The following GPC6 variants were observed in gnomAD, a reference collection of about 807,000 sequenced individuals.
GPC6 encodes the protein glypican 6.
GPC6 carries 14 observed loss-of-function variants against 55.2 expected under a neutral mutation model. The observed-to-expected ratio is 0.25, with a 90% CI of 0.17 to 0.40. GPC6 has a LOEUF of 0.40. GPC6 is among the 10% of genes least tolerant of loss of function. The pLI is 1.00. For synonymous variants in GPC6, 278 were observed against 259.6 expected (o/e 1.07, Z -0.68); for missense variants, 641 against 708.5 (o/e 0.90, Z 1.08).
chr13:93,948,921 T>C (rs1879128546), intron 3 of GPC6, among the ~76,000 whole-genome samples: 1 of 152,210 alleles, frequency 6.6e-6, no homozygotes, highest in Admixed American at 6.5e-5. Context: ...TCCCCCTTCA[T>C]TGCAATGTTT....
At chr13:94,342,956 A>G (rs1451371440) in intron 6 of GPC6, among the ~76,000 whole-genome samples, 1 of 152,236 alleles carries the variant, frequency 6.6e-6, no homozygotes, top group African/African-American at 2.4e-5. Context: ...TGGATGGCCA[A>G]TGTCACCCTG....
chr13:93,718,404 C>T lies in GPC6; in HGVS notation c.320-111750C>T, dbSNP rs182211747. Among the ~76,000 whole-genome samples, 11 of 152,114 alleles carry T rather than the reference C, an allele frequency of 7.2e-5. No individual in the cohort carries two copies. In the East Asian group the frequency reaches 2.1e-3, roughly 29 times the overall value. Reference sequence around the variant, plus strand: ...TGTTTGTTGGGTGCCTAAATGTCTTCTTTTGAAAAGTGTCTGTTCATATCC... The same window carrying T: ...TGTTTGTTGGGTGCCTAAATGTCTTTTTTTGAAAAGTGTCTGTTCATATCC... On this transcript the variant is annotated intron_variant, in intron 2 of 8. Coordinates refer to ENST00000377047, the MANE Select transcript of GPC6 (RefSeq NM_005708.5).
At chr13:94,401,176 T>C (rs1212969745) in intron 8 of GPC6, among the ~76,000 whole-genome samples, 1 of 152,168 alleles carries the variant, frequency 6.6e-6, no homozygotes, top group Non-Finnish European at 1.5e-5. Context: ...TCAGCAAGTA[T>C]TTGTTGAGCA....
intron 2 of GPC6, among the ~76,000 whole-genome samples, chr13:93,804,971 A>C (rs575021951): frequency 6.6e-6 from 1 of 152,318 alleles, no homozygotes; most frequent in Admixed American, 6.5e-5. Context: ...CATTTTGAAA[A>C]ATTAAATGAG....
intron 4 of GPC6, among the ~76,000 whole-genome samples, chr13:94,248,620 A>G (rs1392987305): frequency 6.6e-6 from 1 of 152,038 alleles, no homozygotes; most frequent in African/African-American, 2.4e-5. Context: ...AGGACCCTCT[A>G]GTCACCAAAA....
chr13:93,496,177 G>C (rs560227470), intron 1 of GPC6, among the ~76,000 whole-genome samples: 54 of 152,178 alleles, frequency 3.5e-4, no homozygotes, highest in Non-Finnish European at 4.7e-4. Context: ...ATCAGCGAGA[G>C]TCCGTGGGCG....
chr13:93,510,292 C>A (rs371008096), intron 1 of GPC6, among the ~76,000 whole-genome samples: 1 of 152,042 alleles, frequency 6.6e-6, no homozygotes, highest in Non-Finnish European at 1.5e-5. Flanking sequence ...TATCCTTCGA[C>A]CCACTTCTCT....
chr13:94,020,169 G>T (rs537160488), intron 3 of GPC6, among the ~76,000 whole-genome samples: 2 of 151,828 alleles, frequency 1.3e-5, no homozygotes, highest in Admixed American at 1.3e-4. Context: ...TATAAGTTTT[G>T]GCATGTTGTG....
intron 1 of GPC6, chr13:93,450,582 G>A (rs893505579): frequency 5.7e-6 from 1 of 175,756 alleles, no homozygotes; most frequent in African/African-American, 2.4e-5. Flanking sequence ...GGTCAAAGGT[G>A]TTTCTTTCTG....
At chr13:93,426,645 C>T (rs1414774595) in intron 1 of GPC6, among the ~76,000 whole-genome samples, 4 of 151,974 alleles carry the variant, frequency 2.6e-5, no homozygotes, top group African/African-American at 9.7e-5. Context: ...CATTGTTGGA[C>T]ATTTGGGTTG....
chr13:93,793,087 G>T (rs1343532710), intron 2 of GPC6, among the ~76,000 whole-genome samples: 1 of 152,164 alleles, frequency 6.6e-6, no homozygotes, highest in Non-Finnish European at 1.5e-5. Flanking sequence ...AGGCATTCTA[G>T]TCTATGATAG....
chr13:94,397,092 G>A (rs1880926502), intron 7 of GPC6, among the ~76,000 whole-genome samples: 1 of 152,104 alleles, frequency 6.6e-6, no homozygotes, highest in Non-Finnish European at 1.5e-5. Context: ...TAAAGAGAAG[G>A]GTGATATGAT....
intron 1 of GPC6, among the ~76,000 whole-genome samples, chr13:93,240,004 T>C (rs1382815082): frequency 6.6e-6 from 1 of 152,150 alleles, no homozygotes; most frequent in African/African-American, 2.4e-5. Flanking sequence ...ATGCCTGATA[T>C]GATTTTTCTT....
intron 2 of GPC6, among the ~76,000 whole-genome samples, chr13:93,654,543 G>T (rs868003967): frequency 6.6e-6 from 1 of 152,064 alleles, no homozygotes; most frequent in African/African-American, 2.4e-5. Flanking sequence ...GGCCAGGCTG[G>T]TCTTGAACTC....
chr13:93,700,128 CAG>C (rs1274260232), intron 2 of GPC6, among the ~76,000 whole-genome samples: 3 of 152,046 alleles, frequency 2.0e-5, no homozygotes, highest in Admixed American at 6.6e-5. Context: ...ATGTGGCGCA[CAG>C]TTATGAAAAC....
intron 2 of GPC6, among the ~76,000 whole-genome samples, chr13:93,593,110 T>A (rs901763590): frequency 6.6e-6 from 1 of 152,150 alleles, no homozygotes; most frequent in African/African-American, 2.4e-5. Flanking sequence ...AAATTTTCTT[T>A]GAGAACATTT....
chr13:93,413,530 T>G (rs539404573), intron 1 of GPC6, among the ~76,000 whole-genome samples: 5 of 151,554 alleles, frequency 3.3e-5, no homozygotes, highest in East Asian at 2.0e-4. Flanking sequence ...CTGTCAATTC[T>G]TTTTTAAAAT....
intron 2 of GPC6, among the ~76,000 whole-genome samples, chr13:93,812,456 C>T (rs897245890): frequency 9.2e-5 from 14 of 151,634 alleles, no homozygotes; most frequent in African/African-American, 2.9e-4. Flanking sequence ...GGTTGATCAA[C>T]TCAAAATTGA....
chr13:93,766,919 G>GA (rs1885144578), intron 2 of GPC6, among the ~76,000 whole-genome samples: 1 of 151,954 alleles, frequency 6.6e-6, no homozygotes, highest in African/African-American at 2.4e-5. Flanking sequence ...ACTCATTTTA[G>GA]CTGAGTGGAC....
Sources: gnomAD v4.1 joint callset for allele counts (sites outside exome capture counted in the v4.1 genomes callset) on GRCh38, gnomAD v4.1.1 for gene constraint, MANE v1.5 for transcripts, NCBI Gene and HGNC (gene_info 2026-07-23, HGNC 2026-07-21) for gene names.